The following KIF20B variants were observed in gnomAD, a reference collection of about 807,000 sequenced individuals.
The protein encoded by KIF20B is kinesin family member 20B.
In KIF20B, 188 loss-of-function variants were observed where a neutral mutation model predicts 232.5. That is an observed-to-expected ratio of 0.81 (90% CI 0.72 to 0.91). The LOEUF (loss-of-function observed/expected upper bound fraction) is 0.91. Among genes scored for constraint, KIF20B ranks in the 40% least tolerant of loss-of-function variants. The pLI, the probability that KIF20B is intolerant of heterozygous loss-of-function variation, is 0.00. For synonymous variants in KIF20B, 712 were observed against 683.0 expected, an observed-to-expected ratio of 1.04 and a Z score of -0.66; for missense variants, 2,154 against 2,055.9, an observed-to-expected ratio of 1.05 and a Z score of -0.92.
intron 23 of KIF20B, among the ~76,000 whole-genome samples, chr10:89,749,170 G>A (rs919705492): frequency 1.6e-4 from 24 of 151,978 alleles, no homozygotes; most frequent in Non-Finnish European, 1.8e-4. Context: ...TTAAGATGTC[G>A]TTATCTTTTT....
At chr10:89,736,351 A>G (rs893253948) in intron 19 of KIF20B, among the ~76,000 whole-genome samples, 1 of 134,110 alleles carries the variant, frequency 7.5e-6, no homozygotes, top group Non-Finnish European at 1.6e-5. Context: ...AGATTTAATC[A>G]TGGAATCTAT....
At chr10:89,769,406 TAAAAC>T (rs553870110) in intron 31 of KIF20B, among the ~76,000 whole-genome samples, 26 of 151,792 alleles carry the variant, frequency 1.7e-4, no homozygotes, top group South Asian at 1.2e-3. Flanking sequence ...GCTAAAAGCC[TAAAAC>T]AAAACAAAAC....
At chr10:89,745,716 C>G (rs905386325) in intron 22 of KIF20B, among the ~76,000 whole-genome samples, 183 bp from the exon 23 acceptor site, 3 of 151,896 alleles carry the variant, frequency 2.0e-5, no homozygotes, top group Admixed American at 2.0e-4. Context: ...TTCCCCTGCT[C>G]TCACCCTACC....
chr10:89,736,422 CAG>C (rs1841653444), intron 19 of KIF20B, among the ~76,000 whole-genome samples: 2 of 151,146 alleles, frequency 1.3e-5, no homozygotes, highest in African/African-American at 4.8e-5. Context: ...GTTTATTTGT[CAG>C]AGTGAACTTA....
intron 23 of KIF20B, among the ~76,000 whole-genome samples, chr10:89,748,146 A>T (rs1372246348): frequency 2.0e-5 from 3 of 152,154 alleles, no homozygotes; most frequent in East Asian, 3.9e-4. Flanking sequence ...AGTAGCTGGG[A>T]TTACAAGCAC....
intron 29 of KIF20B, among the ~76,000 whole-genome samples, chr10:89,765,558 A>G (rs2133173282): frequency 6.6e-6 from 1 of 152,250 alleles, no homozygotes; most frequent in South Asian, 2.1e-4. Flanking sequence ...ATGGAACCAA[A>G]AAAGAGCCCG....
At chr10:89,766,626 C>T (rs1001042362) in intron 29 of KIF20B, among the ~76,000 whole-genome samples, 23 of 152,070 alleles carry the variant, frequency 1.5e-4, no homozygotes, top group African/African-American at 5.3e-4. Flanking sequence ...AAACTAATTA[C>T]AAACTCTCTA....
intron 1 of KIF20B, among the ~76,000 whole-genome samples, chr10:89,703,362 C>T (rs983451172): frequency 3.3e-5 from 5 of 152,098 alleles, no homozygotes; most frequent in African/African-American, 9.7e-5. Flanking sequence ...AACAAGATGG[C>T]AGGAATAAAC....
At chr10:89,724,155 T>A in intron 14 of KIF20B, 52 bp downstream of exon 14, 1 of 1,407,082 alleles carries the variant, frequency 7.1e-7, no homozygotes, top group Non-Finnish European at 9.3e-7. Context: ...TATTTAGTTT[T>A]TTAGTTTTTT....
At chr10:89,706,539 GT>G (rs1341814755) in intron 2 of KIF20B, among the ~76,000 whole-genome samples, 2 of 151,692 alleles carry the variant, frequency 1.3e-5, no homozygotes, top group Non-Finnish European at 2.9e-5. Context: ...CATTTGAGTA[GT>G]TATATCTGTG....
intron 2 of KIF20B, among the ~76,000 whole-genome samples, chr10:89,706,259 A>G (rs1470737613): frequency 6.6e-6 from 1 of 151,892 alleles, no homozygotes; most frequent in African/African-American, 2.4e-5. Flanking sequence ...ATTCTTGGCC[A>G]TTTTTCTACT....
Position 89,715,011 on chromosome 10 carries a change from G to GAAC in KIF20B, c.772_774dup (p.Gln258dup), listed in dbSNP as rs747467690. The stretch of plus-strand genomic sequence containing the variant: ...GTTTGAAGAATCCATAAAAGATTAT[G>GAAC]AACAAGCCAACTTGAATATGGCTAA... On this transcript the variant is annotated inframe_insertion, in exon 8 of 33. Coordinates refer to ENST00000371728, the MANE Select transcript of KIF20B (RefSeq NM_001284259.2). 1.5e-5 allele frequency: 24 copies of GAAC among 1,602,398 alleles called. No homozygotes were observed. The South Asian group carries it at 2.7e-4, about 18-fold the overall frequency.
intron 13 of KIF20B, among the ~76,000 whole-genome samples, chr10:89,722,301 G>A (rs10881635): frequency 0.31 from 47,462 of 152,090 alleles, 8,386 homozygotes; most frequent in African/African-American, 0.47. Context: ...TCGTTTAGCT[G>A]TAATAGCCAG....
Position 89,725,183 on chromosome 10 carries a change from A to T in KIF20B, c.2001+25A>T, listed in dbSNP as rs566685789. ...AGTATGTTAATTGAAGTATTTAAAA[A>T]TATCCAGTGAGGTTTTGGTACCAGG... On this transcript the variant is annotated intron_variant, in intron 15 of 32. Coordinates refer to ENST00000371728, the MANE Select transcript of KIF20B (RefSeq NM_001284259.2). 6 of 1,610,402 alleles carry T rather than the reference A, an allele frequency of 3.7e-6. No individual in the cohort carries two copies. In the Admixed American group the frequency reaches 5.0e-5, roughly 13 times the overall value.
intron 18 of KIF20B, 66 bp from the exon 19 acceptor site, chr10:89,732,821 CACCATTGAAAGTAATT>C (rs1564665060): frequency 5.8e-6 from 7 of 1,216,804 alleles, no homozygotes; most frequent in Non-Finnish European, 7.7e-6. Context: ...TTTTATGGTA[CACCATTGAAAGTAATT>C]TATGTGATTT....
chr10:89,718,804 A>G lies in KIF20B; in HGVS notation c.1366A>G (p.Ile456Val). Residue 456 changes from isoleucine to valine, a missense_variant, in exon 12 of 33, where the codon ATC becomes GTC. By Grantham distance (29) the Ile-to-Val change is conservative. Coordinates refer to ENST00000371728, the MANE Select transcript of KIF20B (RefSeq NM_001284259.2). ...AGGGAAAATTTGTATGATTGTCAAT[A>G]TCAGCCAATGTTATTTAGCCTATGA... is the stretch of plus-strand genomic sequence containing the variant. ...GKGKICMIVN[I>V]SQCYLAYDET... 2 of 1,610,094 alleles carry G rather than the reference A, an allele frequency of 1.2e-6. No individual in the cohort carries two copies. The highest frequency in any genetic ancestry group is 1.7e-6 in the Non-Finnish European group (2 of 1,177,012).
chr10:89,724,852 T>C (rs958589194), intron 14 of KIF20B, among the ~76,000 whole-genome samples, 168 bp from the exon 15 acceptor site: 1 of 152,166 alleles, frequency 6.6e-6, no homozygotes, highest in Non-Finnish European at 1.5e-5. Context: ...TGGCCTGAAG[T>C]GATCCACCCG....
At chr10:89,739,229 C>T in intron 21 of KIF20B, 133 bp downstream of exon 21, 2 of 940,062 alleles carry the variant, frequency 2.1e-6, no homozygotes, top group Non-Finnish European at 1.5e-6. Flanking sequence ...ATTACAAGAA[C>T]AGTTACTTCA....
intron 15 of KIF20B, among the ~76,000 whole-genome samples, chr10:89,725,814 G>C (rs1843174579): frequency 6.6e-6 from 1 of 152,012 alleles, no homozygotes; most frequent in South Asian, 2.1e-4. Flanking sequence ...TCAGTTTTTT[G>C]GGGGAGTTGG....
Sources: allele counts gnomAD v4.1 joint callset (sites outside exome capture counted in the v4.1 genomes callset), GRCh38; gene constraint gnomAD v4.1.1; transcripts MANE v1.5; gene names NCBI Gene and HGNC (gene_info 2026-07-23, HGNC 2026-07-21).